Variants in DNAH3 observed in about 807,000 individuals in gnomAD.
DNAH3 encodes the protein axonemal beta dynein heavy chain 3.
A neutral mutation model predicts 432.5 loss-of-function variants in DNAH3; 332 were observed. That is an observed-to-expected ratio of 0.77 (90% CI 0.70 to 0.84). The LOEUF is 0.84. Among genes scored for constraint, DNAH3 ranks in the 40% least tolerant of loss-of-function variants. DNAH3 has a pLI of 0.00. For missense variants in DNAH3, 4,861 were observed against 5,114.0 expected (o/e 0.95, Z 1.51); for synonymous variants, 1,956 against 1,900.2 (o/e 1.03, Z -0.76).
intron 42 of DNAH3, among the ~76,000 whole-genome samples, chr16:21,001,235 C>G (rs939907690): frequency 2.0e-5 from 3 of 152,198 alleles, no homozygotes; most frequent in Non-Finnish European, 4.4e-5. Context: ...CTCCTGGAAT[C>G]CCTATTTGGA....
chr16:21,101,321 G>GT (rs1487771476), intron 16 of DNAH3, among the ~76,000 whole-genome samples: 4 of 152,102 alleles, frequency 2.6e-5, no homozygotes, highest in African/African-American at 4.8e-5. Context: ...TCAAAGAATC[G>GT]TAAGTTGAAC....
intron 19 of DNAH3, among the ~76,000 whole-genome samples, chr16:21,084,857 C>T (rs571612715): frequency 9.2e-5 from 14 of 152,224 alleles, no homozygotes; most frequent in African/African-American, 3.1e-4. Flanking sequence ...CCCGGCCCCG[C>T]GGCATGTTCT....
rs536152913 is a variant in DNAH3, at chr16:21,077,600, T to C, written c.2970-2039A>G. 2.0e-5 allele frequency among the ~76,000 whole-genome samples: 3 copies of C among 152,268 alleles called. No individual in the cohort carries two copies. The South Asian group carries it at 6.2e-4, about 32-fold the overall frequency. ...GGTCCACCCGTCCATGGCCCCTCTA[T>C]TCCACAGAAAGGGGCATAGAGGGAG... On this transcript the variant is annotated intron_variant, in intron 20 of 61. Coordinates refer to ENST00000261383, the Ensembl canonical transcript of DNAH3.
chr16:21,106,796 T>C (rs558462191), intron 14 of DNAH3, 122 bp from the exon 15 acceptor site: 19 of 884,608 alleles, frequency 2.1e-5, no homozygotes, highest in Non-Finnish European at 2.3e-5. Context: ...AAAAAGAAAA[T>C]TTTTTTTTAA....
intron 1 of DNAH3, among the ~76,000 whole-genome samples, chr16:21,154,174 C>G (rs1037931226): frequency 3.3e-5 from 5 of 152,212 alleles, no homozygotes; most frequent in Non-Finnish European, 7.3e-5. Context: ...GAGGCCAAGG[C>G]GAGTGGATCG....
chr16:20,944,551 T>C, exon 58 of DNAH3: 1 of 1,614,176 alleles, frequency 6.2e-7, no homozygotes. Context: ...CAGGACCCCC[T>C]CAAACAGCTG....
intron 16 of DNAH3, among the ~76,000 whole-genome samples, chr16:21,101,481 GA>G (rs1244170043): frequency 2.0e-5 from 3 of 152,190 alleles, no homozygotes; most frequent in African/African-American, 7.2e-5. Context: ...AGGCACTCAT[GA>G]AATTAGGTTG....
At chr16:21,092,844 A>G (rs1049356554) in intron 18 of DNAH3, among the ~76,000 whole-genome samples, 3 of 152,192 alleles carry the variant, frequency 2.0e-5, no homozygotes, top group Non-Finnish European at 4.4e-5. Flanking sequence ...TAATCTAAGA[A>G]GATATACAAG....
chr16:20,967,613 C>T (rs183202302), intron 52 of DNAH3, among the ~76,000 whole-genome samples: 1 of 149,822 alleles, frequency 6.7e-6, no homozygotes, highest in Admixed American at 6.8e-5. Context: ...AGCAATTCTC[C>T]TTCCTCAGCC....
At chr16:21,061,959 C>G (rs2090375856) in intron 25 of DNAH3, among the ~76,000 whole-genome samples, 1 of 152,186 alleles carries the variant, frequency 6.6e-6, no homozygotes, top group South Asian at 2.1e-4. Context: ...GTCAACAAAG[C>G]AAGGCTCAGC....
intron 31 of DNAH3, among the ~76,000 whole-genome samples, chr16:21,046,415 TTTACCA>T (rs1797857252): frequency 1.3e-5 from 2 of 151,228 alleles, no homozygotes; most frequent in African/African-American, 2.4e-5. Context: ...AATTGATCCC[TTTACCA>T]TTATGTAATG....
chr16:20,969,411 ACT>A (rs1435415893), intron 52 of DNAH3, among the ~76,000 whole-genome samples: 3 of 138,772 alleles, frequency 2.2e-5, no homozygotes, highest in South Asian at 4.7e-4. Context: ...GCTTTCCCTA[ACT>A]CTCTTTCTCT....
chr16:21,031,406 C>T (rs2088865602), intron 36 of DNAH3, 120 bp from the exon 37 acceptor site: 4 of 1,285,588 alleles, frequency 3.1e-6, no homozygotes, highest in Non-Finnish European at 3.2e-6. Context: ...GAGGGAAGTC[C>T]TTCTTATAAA....
At chr16:21,120,811 G>A (rs953583640) in exon 11 of DNAH3, 2 of 1,605,962 alleles carry the variant, frequency 1.2e-6, no homozygotes, top group African/African-American at 2.7e-5. Context: ...TTGCCGATCA[G>A]CAGCAGCAGC....
chr16:21,120,882 A>G (rs776694692), intron 10 of DNAH3: 1 of 1,547,694 alleles, frequency 6.5e-7, no homozygotes, highest in South Asian at 1.1e-5. Flanking sequence ...CATCCAAATT[A>G]CAGGGTCTTT....
chr16:20,980,117 G>A (rs2152657491), intron 49 of DNAH3, among the ~76,000 whole-genome samples: 1 of 147,524 alleles, frequency 6.8e-6, no homozygotes, highest in South Asian at 2.1e-4. Flanking sequence ...GCTTAAGCAG[G>A]AATTCCTAAA....
chr16:21,124,333 T>C (rs562734952), intron 9 of DNAH3, among the ~76,000 whole-genome samples: 1 of 152,348 alleles, frequency 6.6e-6, no homozygotes, highest in Non-Finnish European at 1.5e-5. Flanking sequence ...CCCCAAACTG[T>C]AAGACATATG....
intron 40 of DNAH3, among the ~76,000 whole-genome samples, chr16:21,020,197 T>G (rs1330894712): frequency 6.7e-6 from 1 of 150,158 alleles, no homozygotes; most frequent in Non-Finnish European, 1.5e-5. Flanking sequence ...ATTTTTGTAT[T>G]TTTTTATAGA....
In DNAH3 at chr16:20,988,761, G is replaced by A. The variant is rs112710610; in HGVS notation, c.6602-696C>T. ...TTCAAAAATGAAGCCGCGACCCCTCGCGGTGAGTGTTACAGCTCTTAAGGT... is the reference window on the plus strand; with the variant it reads ...TTCAAAAATGAAGCCGCGACCCCTCACGGTGAGTGTTACAGCTCTTAAGGT... On this transcript the variant is annotated intron_variant, in intron 44 of 61. Coordinates refer to ENST00000261383, the Ensembl canonical transcript of DNAH3. Among the ~76,000 whole-genome samples, 19 of 152,332 alleles carry A rather than the reference G, an allele frequency of 1.2e-4. 1 individual carries two copies. The highest frequency in any genetic ancestry group is 4.6e-4 in the African/African-American group (19 of 41,572).
Sources: gnomAD v4.1 joint callset for allele counts (sites outside exome capture counted in the v4.1 genomes callset) on GRCh38, gnomAD v4.1.1 for gene constraint, MANE v1.5 for transcripts, NCBI Gene and HGNC (gene_info 2026-07-23, HGNC 2026-07-21) for gene names.